C2orf76: variants seen among roughly 807,000 people sequenced by gnomAD.
The protein encoded by C2orf76 is chromosome 2 open reading frame 76.
A neutral mutation model predicts 16.9 loss-of-function variants in C2orf76; 23 were observed. That is an observed-to-expected ratio of 1.36 (90% CI 0.98 to 1.93). C2orf76 has a LOEUF of 1.93. C2orf76 is among the 30% of genes most tolerant of loss of function. The pLI is 0.00. For missense variants in C2orf76, 152 were observed against 152.6 expected (o/e 1.00, Z 0.02); for synonymous variants, 48 against 52.3 (o/e 0.92, Z 0.35).
chr2:119,288,630 C>T, the C2orf76 span, among the ~76,000 whole-genome samples: 8 of 151,926 alleles, frequency 5.3e-5, no homozygotes, highest in Admixed American at 2.0e-4. Context: ...GTTTTGAAGG[C>T]GGGAAGTGGA....
chr2:119,309,928 A>T (rs1678927945), intron 5 of C2orf76, among the ~76,000 whole-genome samples: 1 of 152,164 alleles, frequency 6.6e-6, no homozygotes, highest in Non-Finnish European at 1.5e-5. Flanking sequence ...CTTTCTTTTT[A>T]AAAAATTTTT....
chr2:119,321,112 A>T, intron 3 of C2orf76, 42 bp downstream of exon 3: 1 of 1,045,412 alleles, frequency 9.6e-7, no homozygotes, highest in Non-Finnish European at 1.3e-6. Flanking sequence ...CTAATGCAAA[A>T]TTGTATTTAT....
chr2:119,330,353 C>CAAA (rs371947780), intron 2 of C2orf76, among the ~76,000 whole-genome samples: 3 of 137,572 alleles, frequency 2.2e-5, no homozygotes, highest in East Asian at 4.4e-4. Flanking sequence ...CTCTCCATCT[C>CAAA]AAAAAAAAAA....
chr2:119,328,330 T>C (rs1196508552), intron 2 of C2orf76, among the ~76,000 whole-genome samples: 2 of 152,344 alleles, frequency 1.3e-5, no homozygotes, highest in East Asian at 1.9e-4. Flanking sequence ...TCTTTTTTAG[T>C]GAGCTTTGAT....
Position 119,311,713 on chromosome 2 carries a change from A to T in C2orf76, c.223-10T>A. The stretch of plus-strand genomic sequence containing the variant: ...ACACAAGTTCATTTGTCTAAAAAAA[A>T]AAAAGAAAATCTGCATTTTATCAGT... On this transcript the variant is annotated splice_polypyrimidine_tract_variant and intron_variant, in intron 4 of 5. Coordinates refer to ENST00000334816, the MANE Select transcript of C2orf76 (RefSeq NM_001322331.2). The T allele has an allele frequency of 6.2e-7, 1 of 1,602,662 alleles. No individual in the cohort carries two copies.
At chr2:119,360,908 T>C (rs762579547) in intron 1 of C2orf76, among the ~76,000 whole-genome samples, 7 of 152,228 alleles carry the variant, frequency 4.6e-5, no homozygotes, top group Admixed American at 6.5e-5. Flanking sequence ...AATTTCATGA[T>C]ATATAACATT....
the C2orf76 span, among the ~76,000 whole-genome samples, chr2:119,281,953 A>G: frequency 1.7e-4 from 26 of 152,178 alleles, no homozygotes; most frequent in East Asian, 4.6e-3. Flanking sequence ...CATGTTGTAC[A>G]TGTTCTGGAA....
intron 1 of C2orf76, among the ~76,000 whole-genome samples, chr2:119,341,946 G>C (rs1680045269): frequency 6.6e-6 from 1 of 152,112 alleles, no homozygotes; most frequent in South Asian, 2.1e-4. Flanking sequence ...ACAATAAGGC[G>C]ATCTTTAGTA....
intron 2 of C2orf76, chr2:119,338,783 T>C (rs7578714): frequency 0.77 from 116,815 of 152,222 alleles, 45,361 homozygotes; most frequent in African/African-American, 0.86. Flanking sequence ...AGGGCTTATA[T>C]CATAGGGAAA....
intron 1 of C2orf76, among the ~76,000 whole-genome samples, chr2:119,355,272 CCATGGGTCTCT>C (rs1376016378): frequency 3.3e-5 from 5 of 152,200 alleles, no homozygotes; most frequent in African/African-American, 1.2e-4. Flanking sequence ...AGACATTTCT[CCATGGGTCTCT>C]CACACGTCTG....
At chr2:119,319,866 T>C (rs1176854960) in intron 3 of C2orf76, among the ~76,000 whole-genome samples, 1 of 152,116 alleles carries the variant, frequency 6.6e-6, no homozygotes, top group Non-Finnish European at 1.5e-5. Flanking sequence ...CGGATGACAA[T>C]GACAGGTGAA....
chr2:119,321,068 C>A, intron 3 of C2orf76, 86 bp downstream of exon 3: 1 of 690,636 alleles, frequency 1.4e-6, no homozygotes, highest in South Asian at 2.4e-5. Context: ...TACAGATAGT[C>A]ATTTTTGAAA....
chr2:119,340,601 C>A (rs1679994698), intron 1 of C2orf76, among the ~76,000 whole-genome samples: 1 of 151,932 alleles, frequency 6.6e-6, no homozygotes, highest in Non-Finnish European at 1.5e-5. Flanking sequence ...AGCATTTTGC[C>A]TCATGGTTTC....
At chr2:119,298,968 T>C (rs1041992798), downstream of C2orf76, among the ~76,000 whole-genome samples, 1 of 152,160 alleles carries the variant, frequency 6.6e-6, no homozygotes, top group African/African-American at 2.4e-5. Flanking sequence ...TGTGCTGGAG[T>C]GCAGTGGTGC....
intron 1 of C2orf76, among the ~76,000 whole-genome samples, chr2:119,351,842 A>G (rs1293436218): frequency 3.9e-5 from 6 of 152,176 alleles, no homozygotes; most frequent in Non-Finnish European, 7.3e-5. Flanking sequence ...TGCTCTGCAC[A>G]TGTCCAAGAA....
intron 1 of C2orf76, among the ~76,000 whole-genome samples, chr2:119,356,258 C>T (rs1214687648): frequency 1.3e-5 from 2 of 152,030 alleles, no homozygotes; most frequent in Non-Finnish European, 2.9e-5. Context: ...CAAAAATCAG[C>T]TGGGCTTGAT....
At chr2:119,322,396 T>C (rs548935063) in intron 2 of C2orf76, among the ~76,000 whole-genome samples, 5 of 152,142 alleles carry the variant, frequency 3.3e-5, no homozygotes, top group African/African-American at 1.2e-4. Context: ...TTTGTGGAGA[T>C]GGGGTTTTGT....
intron 4 of C2orf76, among the ~76,000 whole-genome samples, chr2:119,316,795 T>C (rs1280603517): frequency 1.3e-5 from 2 of 152,186 alleles, no homozygotes; most frequent in Non-Finnish European, 1.5e-5. Context: ...GAGGACTCTA[T>C]GGAAGGCCAG....
the C2orf76 span, among the ~76,000 whole-genome samples, chr2:119,291,615 C>G: frequency 6.6e-6 from 1 of 152,016 alleles, no homozygotes; most frequent in East Asian, 1.9e-4. Context: ...GAGTCCTTCC[C>G]TGGGTCCAAG....
Sources: gnomAD v4.1 joint callset for allele counts (sites outside exome capture counted in the v4.1 genomes callset) on GRCh38, gnomAD v4.1.1 for gene constraint, MANE v1.5 for transcripts, NCBI Gene and HGNC (gene_info 2026-07-23, HGNC 2026-07-21) for gene names.